The following NXPH1 variants were observed in gnomAD, a reference collection of about 807,000 sequenced individuals.
NXPH1 encodes neurexophilin-1.
NXPH1 carries 5 observed loss-of-function variants against 23.7 expected under a neutral mutation model. The observed-to-expected ratio is 0.21, with a 90% CI of 0.11 to 0.44. NXPH1 has a LOEUF of 0.44. Ranked by LOEUF, NXPH1 falls within the 20% of genes least tolerant of loss-of-function variation. The probability of loss-of-function intolerance (pLI) is 0.99; values close to 1 mark genes in which losing one functional copy is unlikely to be tolerated. For synonymous variants in NXPH1, 144 were observed against 122.2 expected (o/e 1.18, Z -1.18); for missense variants, 324 against 321.6 (o/e 1.01, Z -0.06).
intron 2 of NXPH1, among the ~76,000 whole-genome samples, chr7:8,580,539 GC>G (rs1235786628): frequency 1.3e-5 from 2 of 152,092 alleles, no homozygotes; most frequent in African/African-American, 2.4e-5. Flanking sequence ...TGCTGAAGAG[GC>G]AGCAGCTGAA....
At chr7:8,517,970 C>T (rs1340013903) in intron 2 of NXPH1, among the ~76,000 whole-genome samples, 1 of 152,084 alleles carries the variant, frequency 6.6e-6, no homozygotes, top group Non-Finnish European at 1.5e-5. Context: ...CTTTCCACCA[C>T]TGCAATATTC....
Position 8,442,073 on chromosome 7 carries a change from G to A in NXPH1, c.54+6306G>A, listed in dbSNP as rs1191373824. Among the ~76,000 whole-genome samples, 1 of 152,116 alleles carries A rather than the reference G, an allele frequency of 6.6e-6. No homozygotes were observed. Among genetic ancestry groups the A allele is most frequent in the Non-Finnish European group, 1.5e-5 (1 of 68,024 alleles). ...GGGCGTTGGGACGGCACAAGCAGTGGGGTCCCAGGAGCAGCAAGACAGTAG... is the reference window on the plus strand; with the variant it reads ...GGGCGTTGGGACGGCACAAGCAGTGAGGTCCCAGGAGCAGCAAGACAGTAG... On this transcript the variant is annotated intron_variant, in intron 2 of 2. Transcript: ENST00000405863. This position sits in a 1 kb window ranked among gnomAD's most constrained non-coding sequence, Gnocchi z 4.6.
intron 2 of NXPH1, among the ~76,000 whole-genome samples, chr7:8,485,857 A>G (rs112275903): frequency 0.011 from 1,649 of 152,284 alleles, 42 homozygotes; most frequent in African/African-American, 0.038. Context: ...GAAAACCAAG[A>G]TGAATAAACT....
intron 2 of NXPH1, among the ~76,000 whole-genome samples, chr7:8,710,041 A>G (rs1341364915): frequency 6.6e-6 from 1 of 152,234 alleles, no homozygotes; most frequent in Non-Finnish European, 1.5e-5. Flanking sequence ...TGCAGGGGTC[A>G]GAAAAGAATC....
In NXPH1 at chr7:8,505,400, A is replaced by C. The variant is rs568234120; in HGVS notation, c.54+69633A>C. Among the ~76,000 whole-genome samples, 152 of 152,178 alleles carry C rather than the reference A, an allele frequency of 1.0e-3. 1 individual carries two copies. Among genetic ancestry groups the C allele is most frequent in the Non-Finnish European group, 7.7e-4 (52 of 67,972 alleles). ...ATTGCTCTATAATTTGCCCCAGAGT[A>C]GCCTGACTGGCCAATATAGTCATTT... On this transcript the variant is annotated intron_variant, in intron 2 of 2. Coordinates refer to ENST00000405863, the MANE Select transcript of NXPH1 (RefSeq NM_152745.3).
intron 2 of NXPH1, among the ~76,000 whole-genome samples, chr7:8,624,420 C>T (rs183350811): frequency 1.1e-3 from 161 of 151,906 alleles, no homozygotes; most frequent in African/African-American, 3.5e-3. Flanking sequence ...AGATGGCAGT[C>T]GAAATCATGA....
At chr7:8,640,182 GC>G (rs1820284621) in intron 2 of NXPH1, among the ~76,000 whole-genome samples, 1 of 152,010 alleles carries the variant, frequency 6.6e-6, no homozygotes, top group Admixed American at 6.6e-5. Flanking sequence ...TTTCTGTAAG[GC>G]CTTTGGGCTT....
chr7:8,488,738 C>T (rs947454060), intron 2 of NXPH1, among the ~76,000 whole-genome samples: 1 of 152,136 alleles, frequency 6.6e-6, no homozygotes, highest in Non-Finnish European at 1.5e-5. Context: ...GTTTCTACAT[C>T]TGTAAAATGG....
chr7:8,750,423 C>G (rs931253482), intron 2 of NXPH1, among the ~76,000 whole-genome samples: 1 of 152,086 alleles, frequency 6.6e-6, no homozygotes, highest in African/African-American at 2.4e-5. Flanking sequence ...ACCTATTGAC[C>G]CGTTCTCTAA....
chr7:8,656,112 C>T (rs1004515101), intron 2 of NXPH1, among the ~76,000 whole-genome samples: 2 of 152,156 alleles, frequency 1.3e-5, no homozygotes, highest in African/African-American at 4.8e-5. Flanking sequence ...TGATTTATAT[C>T]ATTGGCTTCA....
chr7:8,490,156 C>A (rs1308371306), intron 2 of NXPH1, among the ~76,000 whole-genome samples: 3 of 151,944 alleles, frequency 2.0e-5, no homozygotes, highest in Non-Finnish European at 2.9e-5. Context: ...TTTTCCAAAC[C>A]AAATATTTAA....
intron 2 of NXPH1, among the ~76,000 whole-genome samples, chr7:8,561,950 A>G (rs779184158): frequency 1.3e-5 from 2 of 151,772 alleles, no homozygotes; most frequent in Non-Finnish European, 3.0e-5. Context: ...ATACATATAC[A>G]TAGTGAAACG....
chr7:8,574,227 C>T (rs919039441), intron 2 of NXPH1, among the ~76,000 whole-genome samples: 1 of 152,068 alleles, frequency 6.6e-6, no homozygotes, highest in Non-Finnish European at 1.5e-5. Context: ...AAATAAAATA[C>T]TCAAATTTAT....
chr7:8,536,942 A>T (rs746951278), intron 2 of NXPH1, among the ~76,000 whole-genome samples: 3 of 151,984 alleles, frequency 2.0e-5, no homozygotes, highest in African/African-American at 7.2e-5. Flanking sequence ...ATGGTGGCCA[A>T]TTGATAGTGA....
chr7:8,563,942 T>A (rs1431729789), intron 2 of NXPH1, among the ~76,000 whole-genome samples: 1 of 151,778 alleles, frequency 6.6e-6, no homozygotes, highest in Non-Finnish European at 1.5e-5. Context: ...TGATGCTTCT[T>A]CAGTTAGCCA....
At chr7:8,436,509 A>G (rs1816198695) in intron 2 of NXPH1, among the ~76,000 whole-genome samples, 1 of 152,102 alleles carries the variant, frequency 6.6e-6, no homozygotes, top group Non-Finnish European at 1.5e-5. Context: ...GGGGGGCTGG[A>G]CTTTGTACAC....
chr7:8,583,048 G>C (rs1313859042), intron 2 of NXPH1, among the ~76,000 whole-genome samples: 2 of 152,236 alleles, frequency 1.3e-5, no homozygotes, highest in Non-Finnish European at 2.9e-5. Flanking sequence ...ACCACCCTGA[G>C]TGTGCATACA....
At chr7:8,641,583 C>A (rs746890208) in intron 2 of NXPH1, among the ~76,000 whole-genome samples, 2 of 152,102 alleles carry the variant, frequency 1.3e-5, no homozygotes, top group Non-Finnish European at 2.9e-5. Context: ...CTATGTGTAT[C>A]TGTTTCTAAA....
intron 2 of NXPH1, among the ~76,000 whole-genome samples, chr7:8,464,829 C>G (rs1468949690): frequency 5.9e-5 from 9 of 152,058 alleles, no homozygotes; most frequent in Admixed American, 2.0e-4. Flanking sequence ...ATTCATATAG[C>G]AGGTGTATCA....
Sources: gnomAD v4.1 joint callset for allele counts (sites outside exome capture counted in the v4.1 genomes callset) on GRCh38, gnomAD v4.1.1 for gene constraint, Gnocchi (gnomAD v3.1) non-coding constraint, MANE v1.5 for transcripts, NCBI Gene and HGNC (gene_info 2026-07-23, HGNC 2026-07-21) for gene names.